The following PSD3 variants were observed in gnomAD, a reference collection of about 807,000 sequenced individuals.
PSD3 encodes pleckstrin and Sec7 domain containing 3, also known as PH and SEC7 domain-containing protein 3.
Under a neutral mutation model 105.5 loss-of-function variants are expected in PSD3, and 49 were observed. The ratio of observed to expected loss-of-function variants is 0.46; its 90% CI spans 0.37 to 0.59. The LOEUF (loss-of-function observed/expected upper bound fraction) is 0.59. Among genes scored for constraint, PSD3 ranks in the 20% least tolerant of loss-of-function variants. The pLI is 0.00. For synonymous variants in PSD3, 557 were observed against 457.8 expected, an observed-to-expected ratio of 1.22 and a Z score of -2.77; for missense variants, 1,561 against 1,263.8, an observed-to-expected ratio of 1.24 and a Z score of -3.57.
chr8:18,717,692 G>C (rs760181190), intron 9 of PSD3, among the ~76,000 whole-genome samples: 2 of 152,170 alleles, frequency 1.3e-5, no homozygotes, highest in Non-Finnish European at 2.9e-5. Context: ...ATAACCACTT[G>C]AGTCAACTCC....
At chr8:18,718,787 C>T (rs1055761607) in intron 9 of PSD3, among the ~76,000 whole-genome samples, 2 of 152,014 alleles carry the variant, frequency 1.3e-5, no homozygotes, top group African/African-American at 2.4e-5. Context: ...AATTTAGAGA[C>T]ATTAATAATG....
intron 8 of PSD3, among the ~76,000 whole-genome samples, chr8:18,788,645 G>A (rs369514709): frequency 1.2e-4 from 18 of 152,036 alleles, no homozygotes; most frequent in African/African-American, 3.4e-4. Flanking sequence ...ACGTGCTTTT[G>A]GAGAAACTAA....
At chr8:18,700,997 T>C (rs1449032612) in intron 9 of PSD3, among the ~76,000 whole-genome samples, 1 of 152,102 alleles carries the variant, frequency 6.6e-6, no homozygotes, top group African/African-American at 2.4e-5. Context: ...GACAGGGTGT[T>C]ACTCTGTCAC....
intron 4 of PSD3, among the ~76,000 whole-genome samples, chr8:18,856,136 T>C (rs1004042629): frequency 6.6e-5 from 10 of 152,076 alleles, no homozygotes; most frequent in Non-Finnish European, 1.5e-4. Context: ...CCCACAACCC[T>C]TTACACATAG....
At position 18,857,899 on chromosome 8, in the gene PSD3, T is replaced by C. The variant is rs73666736; in HGVS notation, c.1634+9775A>G. Among the ~76,000 whole-genome samples, 404 of 152,266 alleles carry C rather than the reference T, an allele frequency of 2.7e-3. 2 individuals carry two copies. Among genetic ancestry groups the C allele is most frequent in the African/African-American group, 9.4e-3 (389 of 41,566 alleles). ...CAGAGACCAGTAGAATACCTGCAAA[T>C]AGAGCGTCAGGCACAGGCATAAGAA... On this transcript the variant is annotated intron_variant, in intron 4 of 15. Transcript: ENST00000327040.
intron 1 of PSD3, among the ~76,000 whole-genome samples, chr8:19,027,056 G>A (rs1827581413): frequency 6.6e-6 from 1 of 152,036 alleles, no homozygotes; most frequent in Non-Finnish European, 1.5e-5. Context: ...GTTGGTAAGA[G>A]GACTGCAAAT....
chr8:18,737,773 A>G (rs982676184), intron 9 of PSD3, among the ~76,000 whole-genome samples: 1 of 152,302 alleles, frequency 6.6e-6, no homozygotes, highest in Non-Finnish European at 1.5e-5. Context: ...CTTTAAAGAC[A>G]TTATTTCACT....
intron 8 of PSD3, among the ~76,000 whole-genome samples, chr8:18,784,113 C>T (rs965187349): frequency 2.0e-5 from 3 of 151,980 alleles, no homozygotes; most frequent in Admixed American, 6.6e-5. Context: ...TTGTCCTATC[C>T]TTGAGCATTT....
intron 9 of PSD3, among the ~76,000 whole-genome samples, chr8:18,674,881 T>C (rs1245498985): frequency 1.3e-5 from 2 of 152,058 alleles, no homozygotes; most frequent in Non-Finnish European, 2.9e-5. Flanking sequence ...TGGTGACATG[T>C]GCCTAGTTAC....
At chr8:18,699,431 A>T (rs1173916151) in intron 9 of PSD3, among the ~76,000 whole-genome samples, 1 of 152,248 alleles carries the variant, frequency 6.6e-6, no homozygotes, top group African/African-American at 2.4e-5. Context: ...GCCTACTCAG[A>T]TGAAGACACC....
intron 8 of PSD3, among the ~76,000 whole-genome samples, chr8:18,791,444 T>A (rs1034848769): frequency 6.6e-6 from 1 of 152,158 alleles, no homozygotes. Context: ...AACCATCTGA[T>A]CTTCAGCAAA....
chr8:18,809,701 T>C (rs1017246027), intron 4 of PSD3, among the ~76,000 whole-genome samples: 2 of 152,240 alleles, frequency 1.3e-5, no homozygotes, highest in East Asian at 1.9e-4. Context: ...ATAATGGTGT[T>C]CCATGATTGC....
rs1001301485 is a variant in PSD3 at position 18,593,566 on chromosome 8, T to C, written c.2481+6798A>G. Among the ~76,000 whole-genome samples, 5 of 152,106 alleles carry C rather than the reference T, an allele frequency of 3.3e-5. 1 individual carries two copies. In the South Asian group the frequency reaches 6.2e-4, roughly 19 times the overall value. On this transcript the variant is annotated intron_variant, in intron 12 of 15. Coordinates refer to ENST00000327040, the MANE Select transcript of PSD3 (RefSeq NM_015310.4). Reference sequence around the variant, plus strand: ...TCAACCATTGTGGAAGACAGTGTGGTGATTCCTCAGGGATCTAGAACTAGA... The same window carrying C: ...TCAACCATTGTGGAAGACAGTGTGGCGATTCCTCAGGGATCTAGAACTAGA...
At position 19,007,681 on chromosome 8, in the gene PSD3, G is replaced by C. The variant is rs149612825; in HGVS notation, c.21+5882C>G. Among the ~76,000 whole-genome samples, 147 of 149,798 alleles carry C rather than the reference G, an allele frequency of 9.8e-4. 1 individual carries two copies. Among genetic ancestry groups the C allele is most frequent in the African/African-American group, 3.3e-3 (138 of 41,352 alleles). The stretch of plus-strand genomic sequence containing the variant: ...CTAGGTCAGTGGACAAGGTTTTTTG[G>C]AGTGTACACTGAGCTCAGCACGAGG... On this transcript the variant is annotated intron_variant, in intron 1 of 15. Transcript: ENST00000327040.
chr8:18,892,340 C>T (rs1818848190), intron 2 of PSD3, among the ~76,000 whole-genome samples: 1 of 151,766 alleles, frequency 6.6e-6, no homozygotes, highest in Non-Finnish European at 1.5e-5. Flanking sequence ...TCTCCTGCCT[C>T]AGCCTCCCGA....
intron 9 of PSD3, among the ~76,000 whole-genome samples, chr8:18,664,727 C>T (rs539831833): frequency 2.0e-5 from 3 of 152,244 alleles, no homozygotes; most frequent in South Asian, 2.1e-4. Flanking sequence ...AGGGAGAAGT[C>T]AATGCCTGGC....
At chr8:18,939,610 G>T (rs1378775847) in intron 1 of PSD3, among the ~76,000 whole-genome samples, 2 of 151,714 alleles carry the variant, frequency 1.3e-5, no homozygotes, top group African/African-American at 4.8e-5. Context: ...AGCCTCCTGA[G>T]AAGTTGGGAT....
At chr8:19,006,530 T>G (rs1826691605) in intron 1 of PSD3, among the ~76,000 whole-genome samples, 1 of 152,028 alleles carries the variant, frequency 6.6e-6, no homozygotes, top group Non-Finnish European at 1.5e-5. Flanking sequence ...CCATGAGAAT[T>G]TCACACTGCT....
intron 2 of PSD3, among the ~76,000 whole-genome samples, chr8:18,913,640 A>C (rs1465302839): frequency 2.6e-5 from 4 of 152,022 alleles, no homozygotes; most frequent in African/African-American, 9.7e-5. Flanking sequence ...ATCCCTAGGG[A>C]CCCAGTCTCC....
Sources: gnomAD v4.1 joint callset for allele counts (sites outside exome capture counted in the v4.1 genomes callset) on GRCh38, gnomAD v4.1.1 for gene constraint, MANE v1.5 for transcripts, NCBI Gene and HGNC (gene_info 2026-07-23, HGNC 2026-07-21) for gene names.